DSG4: variants seen among roughly 807,000 people sequenced by gnomAD.
DSG4 encodes the protein desmoglein-4.
Under a neutral mutation model 93.1 loss-of-function variants are expected in DSG4, and 87 were observed. The observed-to-expected ratio is 0.93, with a 90% CI of 0.79 to 1.12. The LOEUF (loss-of-function observed/expected upper bound fraction) is 1.12. Ranked by LOEUF, DSG4 falls within the 50% of genes most tolerant of loss-of-function variation. The probability of loss-of-function intolerance (pLI) is 0.00; values close to 1 mark genes in which losing one functional copy is unlikely to be tolerated. For missense variants in DSG4, 1,373 were observed against 1,285.7 expected, an observed-to-expected ratio of 1.07 and a Z score of -1.04; for synonymous variants, 432 against 452.9, an observed-to-expected ratio of 0.95 and a Z score of 0.59.
chr18:31,395,609 CCTT>C (rs1300040968), intron 8 of DSG4, among the ~76,000 whole-genome samples: 1 of 152,174 alleles, frequency 6.6e-6, no homozygotes, highest in Admixed American at 6.5e-5. Flanking sequence ...TCCTCTTACA[CCTT>C]CTCCATTTTC....
At chr18:31,382,510 T>A (rs1013114609) in intron 1 of DSG4, 4 of 152,226 alleles carry the variant, frequency 2.6e-5, no homozygotes, top group Non-Finnish European at 5.9e-5. Context: ...CTTTTCACGG[T>A]CTAACTGAGG....
At chr18:31,396,874 G>A (rs866010106) in intron 8 of DSG4, among the ~76,000 whole-genome samples, 1 of 152,112 alleles carries the variant, frequency 6.6e-6, no homozygotes, top group East Asian at 1.9e-4. Flanking sequence ...TTCCAAGTCT[G>A]TGTACCACTA....
chr18:31,404,583 T>C (rs2072404435), intron 11 of DSG4, among the ~76,000 whole-genome samples: 1 of 152,100 alleles, frequency 6.6e-6, no homozygotes, highest in Non-Finnish European at 1.5e-5. Context: ...TTCCCACCTC[T>C]TTAAGGTCAC....
chr18:31,392,398 T>G (rs1328591022), intron 8 of DSG4, 58 bp downstream of exon 8: 1 of 1,558,910 alleles, frequency 6.4e-7, no homozygotes, highest in Non-Finnish European at 8.8e-7. Flanking sequence ...AAAGAAGTTT[T>G]AAATGACCTT....
chr18:31,410,386 A>C (rs2072473476), intron 14 of DSG4, among the ~76,000 whole-genome samples: 1 of 151,568 alleles, frequency 6.6e-6, no homozygotes, highest in South Asian at 2.1e-4. Context: ...TTTATTATAT[A>C]TAACATACAT....
chr18:31,401,694 T>G (rs2072369518), intron 10 of DSG4: 1 of 152,072 alleles, frequency 6.6e-6, no homozygotes, highest in Non-Finnish European at 1.5e-5. Context: ...AAGCAGTGCC[T>G]AGGAAACCAG....
At chr18:31,405,760 T>G (rs1007417724) in intron 11 of DSG4, among the ~76,000 whole-genome samples, 1 of 152,004 alleles carries the variant, frequency 6.6e-6, no homozygotes, top group South Asian at 2.1e-4. Context: ...GCCACACACC[T>G]GTAGTCCCAG....
chr18:31,406,221 T>C lies in DSG4; in HGVS notation c.1781T>C (p.Met594Thr). 6.2e-7 allele frequency: 1 copy of C among 1,614,182 alleles called. No individual in the cohort carries two copies. ...GCCTGTGATTGCGATGACAACCACA[T>C]GTGCCTGGACTCTGGTGCCGCGGGC... ...LYACDCDDNH[M>T]CLDSGAAGIY... The change falls in exon 12 of 16, where the codon ATG becomes ACG. Residue 594 changes from methionine (M) to threonine (T), a missense_variant. Coordinates refer to ENST00000308128, the MANE Select transcript of DSG4 (RefSeq NM_177986.5).
At chr18:31,388,608 T>A in intron 4 of DSG4, 86 bp downstream of exon 4, 1 of 1,546,378 alleles carries the variant, frequency 6.5e-7, no homozygotes, top group Non-Finnish European at 8.8e-7. Context: ...ATGGATTACT[T>A]TTGATAAAAC....
intron 1 of DSG4, among the ~76,000 whole-genome samples, chr18:31,377,863 T>A (rs1208134976): frequency 6.6e-6 from 1 of 152,210 alleles, no homozygotes; most frequent in Non-Finnish European, 1.5e-5. Context: ...AGTATCCAGG[T>A]TAGCGCTACA....
intron 1 of DSG4, among the ~76,000 whole-genome samples, chr18:31,377,744 A>T (rs1408967024): frequency 6.6e-6 from 1 of 152,202 alleles, no homozygotes; most frequent in Non-Finnish European, 1.5e-5. Context: ...TCAACAAACT[A>T]TTGCCAATTC....
Position 31,390,944 on chromosome 18 carries a change from TA to T in DSG4, c.684+127del, listed in dbSNP as rs2072242004. The T allele has an allele frequency of 7.3e-6, 11 of 1,501,128 alleles. No homozygotes were observed. The South Asian group carries it at 1.4e-4, about 19-fold the overall frequency. 93.0% of individuals were successfully genotyped at this position (1,501,128 alleles called of 1,614,324 possible). A position where few individuals can be genotyped will look rare whatever the true frequency, so the allele number is the denominator to read the frequency against. ...GGGAAGAAAAATAATCCATTTTTAA[TA>T]AAAATTAAAAGCTCAATTATATAAA... is the stretch of plus-strand genomic sequence containing the variant. On this transcript the variant is annotated intron_variant, in intron 6 of 15. Coordinates refer to ENST00000308128, the MANE Select transcript of DSG4 (RefSeq NM_177986.5).
rs138080453 is a variant in DSG4, at chr18:31,388,935, T to C, written c.434T>C (p.Val145Ala). 1 of 1,613,532 alleles carries C rather than the reference T, an allele frequency of 6.2e-7. No individual in the cohort carries two copies. The highest frequency in any genetic ancestry group is 1.7e-5 in the Admixed American group (1 of 59,968). Residue 145 changes from valine to alanine, a missense_variant, in exon 5 of 16, where the codon GTC becomes GCC. Coordinates refer to ENST00000308128, the MANE Select transcript of DSG4 (RefSeq NM_177986.5). Reference sequence around the variant, plus strand: ...TTAGAAAGGCCTCTTGAGCTTAGAGTCAAAGTTATGGACATAAATGATAAC... The same window carrying C: ...TTAGAAAGGCCTCTTGAGCTTAGAGCCAAAGTTATGGACATAAATGATAAC... Reference protein sequence around the residue: ...EDLERPLELRVKVMDINDNAP... With the variant: ...EDLERPLELRAKVMDINDNAP...
In DSG4 at chr18:31,383,022, T is replaced by C. The variant is rs1225944104; in HGVS notation, c.49-2114T>C. ...TTAAACTACAGACAAGTCTGCTTGA[T>C]GTGGCTACTTTCAAGTCCTTAAAAA... On this transcript the variant is annotated intron_variant, in intron 1 of 15. Transcript: ENST00000308128. Among the ~76,000 whole-genome samples the C allele has an allele frequency of 2.0e-5, 3 of 152,230 alleles. No homozygotes were observed. In the East Asian group the frequency reaches 5.8e-4, roughly 29 times the overall value.
chr18:31,389,050 C>A, intron 5 of DSG4, 32 bp downstream of exon 5: 1 of 1,608,128 alleles, frequency 6.2e-7, no homozygotes, highest in Non-Finnish European at 8.5e-7. Context: ...CTCTACGTCA[C>A]AGCATATCTA....
At position 31,377,560 on chromosome 18, in the gene DSG4, A is replaced by G. The variant is rs138733660; in HGVS notation, c.48+601A>G. Among the ~76,000 whole-genome samples, 553 of 152,344 alleles carry G rather than the reference A, an allele frequency of 3.6e-3. 10 individuals carry two copies. The highest frequency in any genetic ancestry group is 0.032 in the East Asian group (165 of 5,180). On this transcript the variant is annotated intron_variant, in intron 1 of 15. Coordinates refer to ENST00000308128, the MANE Select transcript of DSG4 (RefSeq NM_177986.5). ...TACAGACCAGCAAAGAAATATTTAAATGACTTATTTCTTTACAGTAAACAT... is the reference window on the plus strand; with the variant it reads ...TACAGACCAGCAAAGAAATATTTAAGTGACTTATTTCTTTACAGTAAACAT...
In DSG4 at chr18:31,411,012, C is replaced by T. The variant is rs1381040511; in HGVS notation, c.2138-219C>T. Reference sequence around the variant, plus strand: ...GAAGTCTGTGCAAATGTGGGAAGGCCACGTCCCACCACTGACTCCCTCTGT... The same window carrying T: ...GAAGTCTGTGCAAATGTGGGAAGGCTACGTCCCACCACTGACTCCCTCTGT... On this transcript the variant is annotated intron_variant, in intron 14 of 15. Transcript: ENST00000308128. 5.1e-6 allele frequency: 7 copies of T among 1,363,524 alleles called. No homozygotes were observed. In the East Asian group the frequency reaches 1.8e-4, roughly 34 times the overall value. The allele number at this position is 1,363,524 out of a possible 1,614,324, so 84.5% of individuals were successfully genotyped here. A position where few individuals can be genotyped will look rare whatever the true frequency, so the allele number is the denominator to read the frequency against.
In DSG4 at chr18:31,386,810, C is replaced by T. The variant is rs2072193338; in HGVS notation, c.207C>T (p.Pro69=). 6.2e-7 allele frequency: 1 copy of T among 1,613,152 alleles called. No individual in the cohort carries two copies. Among genetic ancestry groups the T allele is most frequent in the Non-Finnish European group, 8.5e-7 (1 of 1,179,282 alleles). The stretch of plus-strand genomic sequence containing the variant: ...GAGAGGACAACTCGAAGAGGAACCC[C>T]ATTGCCAAAGTAAGTGATGAAGCAA... ...REGEDNSKRN[P]IAKIRSDCES... The change falls in exon 3 of 16, where the codon CCC becomes CCT. Residue 69 remains proline (P), a synonymous_variant. Transcript: ENST00000308128.
At chr18:31,383,788 G>T (rs1342013640) in intron 1 of DSG4, among the ~76,000 whole-genome samples, 2 of 152,064 alleles carry the variant, frequency 1.3e-5, no homozygotes, top group African/African-American at 2.4e-5. Context: ...GAAATTATCT[G>T]GGGCACTAAA....
Sources: gnomAD v4.1 joint callset for allele counts (sites outside exome capture counted in the v4.1 genomes callset) on GRCh38, gnomAD v4.1.1 for gene constraint, MANE v1.5 for transcripts, NCBI Gene and HGNC (gene_info 2026-07-23, HGNC 2026-07-21) for gene names.